Variants in GALNTL6 observed in about 807,000 individuals in gnomAD.
The protein encoded by GALNTL6 is polypeptide N-acetylgalactosaminyltransferase like 6, also known as polypeptide N-acetylgalactosaminyltransferase-like 6.
Under a neutral mutation model 73.7 loss-of-function variants are expected in GALNTL6, and 46 were observed. That is an observed-to-expected ratio of 0.62 (90% CI 0.49 to 0.80). The LOEUF is 0.80. GALNTL6 is among the 30% of genes least tolerant of loss of function. The pLI, the probability that GALNTL6 is intolerant of heterozygous loss-of-function variation, is 0.00. For synonymous variants in GALNTL6, 259 were observed against 263.7 expected (o/e 0.98, Z 0.17); for missense variants, 604 against 755.0 (o/e 0.80, Z 2.34).
chr4:172,976,963 A>G (rs1180193428), intron 10 of GALNTL6, among the ~76,000 whole-genome samples: 1 of 152,240 alleles, frequency 6.6e-6, no homozygotes, highest in Non-Finnish European at 1.5e-5. Context: ...TGTGAGTAAA[A>G]TCAGTGCATT....
intron 2 of GALNTL6, among the ~76,000 whole-genome samples, chr4:172,050,619 G>A (rs1351615620): frequency 1.3e-5 from 2 of 152,118 alleles, no homozygotes; most frequent in Admixed American, 1.3e-4. Flanking sequence ...GACCCATTTG[G>A]TGTGGATCCA....
chr4:171,833,648 T>C (rs1489099432), intron 2 of GALNTL6, among the ~76,000 whole-genome samples: 2 of 151,816 alleles, frequency 1.3e-5, no homozygotes, highest in Non-Finnish European at 3.0e-5. Flanking sequence ...TTCTGGTTTC[T>C]TAGCGTATTG....
chr4:172,578,772 A>G (rs1579207172), intron 5 of GALNTL6, among the ~76,000 whole-genome samples: 2 of 152,244 alleles, frequency 1.3e-5, no homozygotes, highest in African/African-American at 2.4e-5. Flanking sequence ...CTTAGCCAGT[A>G]TATATATTTC....
At chr4:172,880,738 G>A (rs903640927) in intron 7 of GALNTL6, among the ~76,000 whole-genome samples, 3 of 151,998 alleles carry the variant, frequency 2.0e-5, no homozygotes, top group African/African-American at 7.2e-5. Flanking sequence ...ATTTCTTAAC[G>A]GTCATTCACA....
chr4:171,886,971 G>T, intron 2 of GALNTL6, among the ~76,000 whole-genome samples: 1 of 152,094 alleles, frequency 6.6e-6, no homozygotes, highest in East Asian at 1.9e-4. Context: ...GAAGTAGATT[G>T]GAATCTTAGT....
At chr4:172,132,810 T>C (rs1733536638) in intron 2 of GALNTL6, among the ~76,000 whole-genome samples, 1 of 152,212 alleles carries the variant, frequency 6.6e-6, no homozygotes, top group Non-Finnish European at 1.5e-5. Context: ...CTTACTCTTA[T>C]GAATCTATCT....
At chr4:171,855,019 G>A (rs1207382954) in intron 2 of GALNTL6, among the ~76,000 whole-genome samples, 1 of 151,460 alleles carries the variant, frequency 6.6e-6, no homozygotes, top group African/African-American at 2.4e-5. Flanking sequence ...TTCCTTGAGA[G>A]CACTCCCTTA....
intron 5 of GALNTL6, among the ~76,000 whole-genome samples, chr4:172,544,045 T>A (rs1460696977): frequency 1.3e-5 from 2 of 152,040 alleles, no homozygotes; most frequent in African/African-American, 2.4e-5. Flanking sequence ...GAGCCAGGAG[T>A]TCAACTCAAG....
At chr4:171,924,455 A>G (rs947620114) in intron 2 of GALNTL6, among the ~76,000 whole-genome samples, 57 of 152,170 alleles carry the variant, frequency 3.7e-4, no homozygotes, top group African/African-American at 4.8e-4. Flanking sequence ...AGGAAGAGCA[A>G]TGAGACCTGG....
At chr4:172,645,710 G>A (rs1740212767) in intron 5 of GALNTL6, among the ~76,000 whole-genome samples, 1 of 151,860 alleles carries the variant, frequency 6.6e-6, no homozygotes, top group Admixed American at 6.6e-5. Flanking sequence ...ATAAGAAAAT[G>A]AAGGTCCCTC....
chr4:172,767,247 C>G (rs1040339966), intron 5 of GALNTL6, among the ~76,000 whole-genome samples: 11 of 152,136 alleles, frequency 7.2e-5, no homozygotes, highest in Non-Finnish European at 1.6e-4. Context: ...GAACACTTAT[C>G]AGAAAACTCA....
chr4:172,829,274 C>T (rs1048873913), intron 7 of GALNTL6, among the ~76,000 whole-genome samples: 2 of 152,184 alleles, frequency 1.3e-5, no homozygotes, highest in African/African-American at 4.8e-5. Flanking sequence ...CTGCCTGTTC[C>T]TGGCTGGAAC....
intron 5 of GALNTL6, among the ~76,000 whole-genome samples, chr4:172,427,472 T>C (rs533236280): frequency 6.6e-6 from 1 of 152,024 alleles, no homozygotes; most frequent in African/African-American, 2.4e-5. Flanking sequence ...AGCTACAGTA[T>C]CAAGATGAGA....
intron 2 of GALNTL6, among the ~76,000 whole-genome samples, chr4:172,090,082 T>A (rs1306709299): frequency 1.3e-5 from 2 of 152,238 alleles, no homozygotes; most frequent in Non-Finnish European, 2.9e-5. Context: ...TACCACATTT[T>A]CATTATCCAG....
At chr4:172,771,748 G>A (rs13109104) in intron 5 of GALNTL6, among the ~76,000 whole-genome samples, 148,850 of 152,288 alleles carry the variant, frequency 0.98, 72,829 homozygotes, top group Middle Eastern at 1. Flanking sequence ...ACTGTATATA[G>A]ATGTCTATGG....
At chr4:172,031,033 T>C (rs1313445390) in intron 2 of GALNTL6, among the ~76,000 whole-genome samples, 1 of 152,024 alleles carries the variant, frequency 6.6e-6, no homozygotes, top group Admixed American at 6.6e-5. Context: ...CCAAGCTGGA[T>C]GAAGAAAAAT....
chr4:172,853,618 A>T (rs1285488437), intron 7 of GALNTL6, among the ~76,000 whole-genome samples: 3 of 152,162 alleles, frequency 2.0e-5, no homozygotes, highest in Admixed American at 6.6e-5. Context: ...CTTCCCCAAC[A>T]ACCCATTCAC....
intron 2 of GALNTL6, 154 bp downstream of exon 2, chr4:171,814,872 G>T: frequency 3.0e-6 from 2 of 675,092 alleles, no homozygotes; most frequent in Non-Finnish European, 5.0e-6. Context: ...TGGGGTTTAA[G>T]CAAGTAGATG....
chr4:172,254,330 A>G (rs181417327), intron 3 of GALNTL6, among the ~76,000 whole-genome samples: 11 of 151,978 alleles, frequency 7.2e-5, no homozygotes, highest in Admixed American at 2.6e-4. Context: ...TATATGATAA[A>G]TTAGATATTA....
Sources: allele counts gnomAD v4.1 joint callset (sites outside exome capture counted in the v4.1 genomes callset), GRCh38; gene constraint gnomAD v4.1.1; transcripts MANE v1.5; gene names NCBI Gene and HGNC (gene_info 2026-07-23, HGNC 2026-07-21).